Variants in IDO1 observed in about 807,000 individuals in gnomAD.
The protein encoded by IDO1 is indoleamine 2,3-dioxygenase 1.
IDO1 carries 35 observed loss-of-function variants against 38.8 expected under a neutral mutation model. The observed-to-expected ratio is 0.90, with a 90% CI of 0.69 to 1.20. The LOEUF is 1.20. IDO1 is among the 50% of genes most tolerant of loss of function. IDO1 has a pLI of 0.00. For synonymous variants in IDO1, 171 were observed against 170.0 expected, an observed-to-expected ratio of 1.01 and a Z score of -0.05; for missense variants, 509 against 485.1, an observed-to-expected ratio of 1.05 and a Z score of -0.46.
chr8:39,914,527 G>A (rs926241230), intron 1 of IDO1, among the ~76,000 whole-genome samples: 2 of 152,136 alleles, frequency 1.3e-5, no homozygotes, highest in Admixed American at 1.3e-4. Flanking sequence ...TAAGATTCAA[G>A]TGAGAGTCTG....
intron 7 of IDO1, among the ~76,000 whole-genome samples, chr8:39,924,440 T>G (rs72643907): frequency 2.0e-5 from 3 of 152,198 alleles, no homozygotes; most frequent in Non-Finnish European, 2.9e-5. Context: ...TTGATTTGTT[T>G]TTTTTTGTCT....
At chr8:39,918,774 AAC>A in intron 3 of IDO1, 39 bp from the exon 4 acceptor site, 11 of 903,944 alleles carry the variant, frequency 1.2e-5, no homozygotes, top group Admixed American at 2.2e-5. Flanking sequence ...AAAAAACAAC[AAC>A]AACAACAACA....
Position 39,918,783 on chromosome 8 carries a change from AAC to A in IDO1, c.304-30_304-29del, listed in dbSNP as rs376334371. On this transcript the variant is annotated intron_variant, in intron 3 of 9. Coordinates refer to ENST00000518237, the MANE Select transcript of IDO1 (RefSeq NM_002164.6). ...AAAAAAAAAAAACAACAACAACAAC[AAC>A]AAAAAACCTAACTACTGTATTTTAA... 2.4e-5 allele frequency: 26 copies of A among 1,072,250 alleles called. 1 individual carries two copies. Among genetic ancestry groups the A allele is most frequent in the Non-Finnish European group, 1.3e-5 (9 of 708,998 alleles). 66.4% of individuals were successfully genotyped at this position (1,072,250 alleles called of 1,614,324 possible). A position where few individuals can be genotyped will look rare whatever the true frequency, so the allele number is the denominator to read the frequency against.
At position 39,927,972 on chromosome 8, in the gene IDO1, C is replaced by T. The variant is rs370900557; in HGVS notation, c.999C>T (p.Asp333=). The T allele has an allele frequency of 6.7e-5, 108 of 1,604,508 alleles. No individual in the cohort carries two copies. Among genetic ancestry groups the T allele is most frequent in the Non-Finnish European group, 7.8e-5 (92 of 1,175,514 alleles). The change falls in exon 10 of 10, where the codon GAC becomes GAT. Residue 333 remains aspartate (D), a synonymous_variant. Coordinates refer to ENST00000518237, the MANE Select transcript of IDO1 (RefSeq NM_002164.6). ...KGDAGLREAY[D]ACVKALVSLR... The stretch of plus-strand genomic sequence containing the variant: ...ATGCTGGCCTGCGGGAAGCTTATGA[C>T]GCCTGTGTGAAAGCTCTGGTCTCCC...
intron 9 of IDO1, among the ~76,000 whole-genome samples, chr8:39,926,451 G>T (rs575523539): frequency 6.6e-6 from 1 of 152,152 alleles, no homozygotes; most frequent in Non-Finnish European, 1.5e-5. Flanking sequence ...CAGCTGTCCC[G>T]TGGCCCCAGC....
chr8:39,917,021 G>A (rs1032925172), intron 1 of IDO1, among the ~76,000 whole-genome samples: 4 of 152,182 alleles, frequency 2.6e-5, no homozygotes, highest in African/African-American at 9.7e-5. Flanking sequence ...AAATCGTTAT[G>A]TAAACTGTAT....
intron 5 of IDO1, chr8:39,920,920 T>C (rs1308456468): frequency 6.6e-6 from 1 of 152,008 alleles, no homozygotes; most frequent in Non-Finnish European, 1.5e-5. Context: ...AAAGGCAGTA[T>C]ATGAAAATTA....
At chr8:39,919,612 C>G (rs1807238709) in intron 4 of IDO1, among the ~76,000 whole-genome samples, 2 of 152,056 alleles carry the variant, frequency 1.3e-5, no homozygotes, top group Admixed American at 1.3e-4. Context: ...AAATATTCTG[C>G]AAATGGGAAT....
At chr8:39,923,708 T>C (rs1807315201) in intron 7 of IDO1, 122 bp downstream of exon 7, 2 of 593,954 alleles carry the variant, frequency 3.4e-6, no homozygotes, top group Non-Finnish European at 6.0e-6. Flanking sequence ...TTAGGTATTT[T>C]ATCTTACTAA....
At chr8:39,924,499 CGTAAA>C (rs1393459822) in intron 7 of IDO1, among the ~76,000 whole-genome samples, 5 of 151,848 alleles carry the variant, frequency 3.3e-5, no homozygotes, top group Non-Finnish European at 7.4e-5. Context: ...TCAGTAAGCA[CGTAAA>C]GTAAAGTAGT....
In IDO1 at chr8:39,917,782, C is replaced by T. The variant is rs561195577; in HGVS notation, c.88-93C>T. ...AGCCATATGCCAGGGCAACATTGCACAGAATGGATGTGAAGGCAAGGCATA... is the reference window on the plus strand; with the variant it reads ...AGCCATATGCCAGGGCAACATTGCATAGAATGGATGTGAAGGCAAGGCATA... On this transcript the variant is annotated intron_variant, in intron 1 of 9. Transcript: ENST00000518237. The T allele has an allele frequency of 1.2e-5, 9 of 782,392 alleles. No individual in the cohort carries two copies. The South Asian group carries it at 1.4e-4, about 13-fold the overall frequency. 48.5% of individuals were successfully genotyped at this position (782,392 alleles called of 1,614,324 possible).
chr8:39,923,622 C>G (rs1395138337), intron 7 of IDO1, 36 bp downstream of exon 7: 3 of 1,228,852 alleles, frequency 2.4e-6, no homozygotes, highest in Non-Finnish European at 3.6e-6. Context: ...TCTAGGCTGA[C>G]AAGTCAAATG....
intron 1 of IDO1, 59 bp from the exon 2 acceptor site, chr8:39,917,816 G>T: frequency 8.7e-7 from 1 of 1,146,436 alleles, no homozygotes; most frequent in Non-Finnish European, 1.3e-6. Flanking sequence ...TACTATCAGT[G>T]GGAAGCCAAA....
intron 9 of IDO1, 33 bp downstream of exon 9, chr8:39,925,404 T>C (rs1807345203): frequency 1.3e-6 from 2 of 1,584,762 alleles, no homozygotes; most frequent in African/African-American, 1.3e-5. Context: ...TAATTATCTC[T>C]TATGTGAATA....
intron 2 of IDO1, 22 bp downstream of exon 2, chr8:39,917,992 T>G: frequency 6.2e-7 from 1 of 1,611,314 alleles, no homozygotes. Flanking sequence ...GTATTACATT[T>G]GTCTTCTTGT....
chr8:39,918,689 T>C (rs1482186188), intron 3 of IDO1, 126 bp from the exon 4 acceptor site: 1 of 578,298 alleles, frequency 1.7e-6, no homozygotes, highest in East Asian at 3.0e-5. Flanking sequence ...GAGGTTGCAG[T>C]GAGCCGAGAT....
At position 39,922,637 on chromosome 8, in the gene IDO1, G is replaced by C; in HGVS notation, c.523G>C (p.Ala175Pro). Residue 175 changes from alanine (A) to proline (P), a missense_variant, in exon 6 of 10, where the codon GCT becomes CCT. Ala to Pro is a conservative substitution (Grantham distance 27). Transcript: ENST00000518237. ...LVSLLVEIAA[A>P]SAIKVIPTVF... is the part of the protein sequence containing the mutation. ...CTCTCTATTGGTGGAAATAGCAGCT[G>C]CTTCTGCAATCAAAGTACGTCTATC... 1 of 1,610,490 alleles carries C rather than the reference G, an allele frequency of 6.2e-7. No individual in the cohort carries two copies. The highest frequency in any genetic ancestry group is 8.5e-7 in the Non-Finnish European group (1 of 1,176,872).
At chr8:39,926,423 C>G (rs151312311) in intron 9 of IDO1, among the ~76,000 whole-genome samples, 1 of 152,146 alleles carries the variant, frequency 6.6e-6, no homozygotes. Flanking sequence ...CAAGCAGAGT[C>G]TGGGCCCTGC....
intron 5 of IDO1, among the ~76,000 whole-genome samples, chr8:39,921,522 T>G (rs933368500): frequency 4.6e-5 from 7 of 152,124 alleles, no homozygotes; most frequent in African/African-American, 1.7e-4. Context: ...GTTAAAACAG[T>G]ATCTTAAGGG....
Sources: allele counts gnomAD v4.1 joint callset (sites outside exome capture counted in the v4.1 genomes callset), GRCh38; gene constraint gnomAD v4.1.1; transcripts MANE v1.5; gene names NCBI Gene and HGNC (gene_info 2026-07-23, HGNC 2026-07-21).